PPP1R9A: variants seen among roughly 807,000 people sequenced by gnomAD.
PPP1R9A encodes protein phosphatase 1 regulatory subunit 9A.
Under a neutral mutation model 141.9 loss-of-function variants are expected in PPP1R9A, and 59 were observed. That is an observed-to-expected ratio of 0.42 (90% CI 0.34 to 0.52). The LOEUF (loss-of-function observed/expected upper bound fraction) is 0.52, where lower values mean the gene tolerates loss of function less well. PPP1R9A is among the 20% of genes least tolerant of loss of function. The pLI is 0.10. For synonymous variants in PPP1R9A, 500 were observed against 569.7 expected, an observed-to-expected ratio of 0.88 and a Z score of 1.74; for missense variants, 1,444 against 1,611.9, an observed-to-expected ratio of 0.90 and a Z score of 1.78.
chr7:95,043,296 A>G (rs1270704689), intron 2 of PPP1R9A, among the ~76,000 whole-genome samples: 3 of 152,212 alleles, frequency 2.0e-5, no homozygotes, highest in Non-Finnish European at 1.5e-5. Flanking sequence ...TCTGCCTTGA[A>G]TAACTGTGTG....
chr7:95,262,236 A>G (rs916776750), intron 12 of PPP1R9A, among the ~76,000 whole-genome samples: 1 of 152,142 alleles, frequency 6.6e-6, no homozygotes, highest in Admixed American at 6.5e-5. Flanking sequence ...AGCTCCCATG[A>G]CCCAGCTTAT....
intron 7 of PPP1R9A, among the ~76,000 whole-genome samples, chr7:95,225,233 T>C (rs773407105): frequency 6.6e-6 from 1 of 152,148 alleles, no homozygotes; most frequent in Non-Finnish European, 1.5e-5. Flanking sequence ...GGGCAACCAC[T>C]ACTAACTGGC....
intron 2 of PPP1R9A, among the ~76,000 whole-genome samples, chr7:95,023,319 G>A (rs985630945): frequency 6.6e-6 from 1 of 152,018 alleles, no homozygotes; most frequent in Non-Finnish European, 1.5e-5. Flanking sequence ...GGGATCAGTG[G>A]TGATATCCCC....
intron 8 of PPP1R9A, among the ~76,000 whole-genome samples, chr7:95,242,820 C>CT (rs1458751369): frequency 6.6e-6 from 1 of 152,110 alleles, no homozygotes; most frequent in Non-Finnish European, 1.5e-5. Context: ...AATCCCAACT[C>CT]TTTTCTCCAA....
chr7:95,097,656 T>A (rs1313530140), intron 2 of PPP1R9A, among the ~76,000 whole-genome samples: 1 of 152,244 alleles, frequency 6.6e-6, no homozygotes, highest in East Asian at 1.9e-4. Context: ...TTATAATGAA[T>A]GCTGATGTTT....
chr7:95,110,717 G>C (rs1163111083), intron 2 of PPP1R9A, among the ~76,000 whole-genome samples: 1 of 152,122 alleles, frequency 6.6e-6, no homozygotes, highest in Non-Finnish European at 1.5e-5. Flanking sequence ...GTTTCAATGA[G>C]AATTCAATTT....
intron 3 of PPP1R9A, among the ~76,000 whole-genome samples, chr7:95,112,511 A>G (rs1371636764): frequency 2.6e-5 from 4 of 152,216 alleles, no homozygotes; most frequent in South Asian, 2.1e-4. Context: ...GATTTCTCAA[A>G]TAATTGAACA....
At chr7:95,164,673 T>C (rs1473006888) in intron 5 of PPP1R9A, among the ~76,000 whole-genome samples, 1 of 151,704 alleles carries the variant, frequency 6.6e-6, no homozygotes, top group Non-Finnish European at 1.5e-5. Flanking sequence ...TCTGTTTGAA[T>C]TTTTGCTAGT....
chr7:95,033,560 T>A (rs932149060), intron 2 of PPP1R9A, among the ~76,000 whole-genome samples: 1 of 152,194 alleles, frequency 6.6e-6, no homozygotes, highest in African/African-American at 2.4e-5. Context: ...TGGTTAGTGC[T>A]TTTTGTGTGT....
At chr7:95,220,820 GC>G (rs1159673769) in intron 7 of PPP1R9A, among the ~76,000 whole-genome samples, 1 of 152,042 alleles carries the variant, frequency 6.6e-6, no homozygotes, top group Non-Finnish European at 1.5e-5. Context: ...AGTCTTAAGG[GC>G]AGCAGCTTCA....
intron 2 of PPP1R9A, among the ~76,000 whole-genome samples, chr7:95,091,752 G>T (rs1024917720): frequency 6.6e-6 from 1 of 151,228 alleles, no homozygotes; most frequent in South Asian, 2.1e-4. Context: ...TTGCAGTTGT[G>T]GGGGCAGGGC....
chr7:94,907,999 C>G (rs1462096718), intron 1 of PPP1R9A: 1 of 148,984 alleles, frequency 6.7e-6, no homozygotes, highest in Non-Finnish European at 1.5e-5. Context: ...CGCGCTGCGC[C>G]GTGAGGAGCG....
At chr7:95,181,174 A>G (rs1833687174) in intron 5 of PPP1R9A, among the ~76,000 whole-genome samples, 1 of 146,950 alleles carries the variant, frequency 6.8e-6, no homozygotes, top group African/African-American at 2.5e-5. Flanking sequence ...ATATATATAG[A>G]TATATCTATC....
Position 94,956,138 on chromosome 7 carries a change from A to G in PPP1R9A, c.1395+44630A>G, listed in dbSNP as rs1238987064. ...AGACTTCCAAGGAAAACATTTCTGT[A>G]GGCATGTTTAATTTTCTCAGACAGC... is the stretch of plus-strand genomic sequence containing the variant. On this transcript the variant is annotated intron_variant, in intron 2 of 19. Coordinates refer to ENST00000433360, the MANE Select transcript of PPP1R9A (RefSeq NM_001166160.2). Among the ~76,000 whole-genome samples the G allele has an allele frequency of 2.6e-5, 4 of 152,066 alleles. No individual in the cohort carries two copies. In the East Asian group the frequency reaches 7.7e-4, roughly 29 times the overall value.
At chr7:95,167,930 T>C (rs1368997633) in intron 5 of PPP1R9A, among the ~76,000 whole-genome samples, 1 of 152,166 alleles carries the variant, frequency 6.6e-6, no homozygotes, top group Non-Finnish European at 1.5e-5. Flanking sequence ...CCCATGCTCA[T>C]GGATTAGGAG....
At chr7:95,283,885 G>T in intron 16 of PPP1R9A, 133 bp from the exon 17 acceptor site, 1 of 739,392 alleles carries the variant, frequency 1.4e-6, no homozygotes, top group African/African-American at 1.8e-5. Context: ...AGTCAAAAGT[G>T]CAAACTTTTT....
chr7:95,184,847 A>G (rs146324993), intron 5 of PPP1R9A, among the ~76,000 whole-genome samples: 8 of 151,710 alleles, frequency 5.3e-5, no homozygotes, highest in East Asian at 1.9e-4. Context: ...TATATGTACC[A>G]GCTTTTCTTT....
At chr7:95,181,671 T>C (rs1585117188) in intron 5 of PPP1R9A, among the ~76,000 whole-genome samples, 1 of 120,606 alleles carries the variant, frequency 8.3e-6, no homozygotes, top group Non-Finnish European at 1.7e-5. Context: ...ATATATAGAA[T>C]ATATATATAT....
intron 7 of PPP1R9A, among the ~76,000 whole-genome samples, chr7:95,209,528 A>T (rs867708698): frequency 3.3e-5 from 5 of 152,202 alleles, no homozygotes; most frequent in South Asian, 2.1e-4. Flanking sequence ...AGCACTTTGC[A>T]AGAAGGAATG....
Sources: allele counts gnomAD v4.1 joint callset (sites outside exome capture counted in the v4.1 genomes callset), GRCh38; gene constraint gnomAD v4.1.1; transcripts MANE v1.5; gene names NCBI Gene and HGNC (gene_info 2026-07-23, HGNC 2026-07-21).